The following USP45 variants were observed in gnomAD, a reference collection of about 807,000 sequenced individuals.
The protein encoded by USP45 is ubiquitin carboxyl-terminal hydrolase 45.
Under a neutral mutation model 95.8 loss-of-function variants are expected in USP45, and 89 were observed. The observed-to-expected ratio is 0.93, with a 90% confidence interval of 0.78 to 1.11. The LOEUF is 1.11. USP45 is among the 50% of genes least tolerant of loss of function. The pLI, the probability that USP45 is intolerant of heterozygous loss-of-function variation, is 0.00. For missense variants in USP45, 898 were observed against 942.5 expected (o/e 0.95, Z 0.62); for synonymous variants, 281 against 316.2 (o/e 0.89, Z 1.18).
intron 16 of USP45, among the ~76,000 whole-genome samples, chr6:99,437,752 G>A (rs1780778310): frequency 6.6e-6 from 1 of 152,140 alleles, no homozygotes; most frequent in African/African-American, 2.4e-5. Flanking sequence ...CCGCCACCCA[G>A]GTTCAAGAAA....
chr6:99,514,249 C>G (rs992482193), intron 1 of USP45, among the ~76,000 whole-genome samples: 1 of 152,164 alleles, frequency 6.6e-6, no homozygotes, highest in Non-Finnish European at 1.5e-5. Flanking sequence ...TATGCGGTCT[C>G]CCTCCCAAGA....
chr6:99,471,444 C>A (rs2128654379), intron 9 of USP45, among the ~76,000 whole-genome samples: 1 of 152,030 alleles, frequency 6.6e-6, no homozygotes, highest in South Asian at 2.1e-4. Flanking sequence ...TAAAATAATT[C>A]TAACCAAAAA....
Position 99,509,353 on chromosome 6 carries a change from C to T in USP45, c.101-571G>A, listed in dbSNP as rs374451377. 6.8e-4 allele frequency among the ~76,000 whole-genome samples: 104 copies of T among 152,198 alleles called. 1 individual carries two copies. Among genetic ancestry groups the T allele is most frequent in the African/African-American group, 2.4e-3 (98 of 41,508 alleles). ...TAAAATATCAAAACCAGGAAGCTGA[C>T]GTTGGTACAATCCTTAGAACTTATT... On this transcript the variant is annotated intron_variant, in intron 2 of 17. Transcript: ENST00000500704.
chr6:99,449,357 AG>A lies in USP45; in HGVS notation c.1309-2895del, dbSNP rs1166706738. Among the ~76,000 whole-genome samples the A allele has an allele frequency of 2.6e-5, 4 of 152,232 alleles. No homozygotes were observed. In the East Asian group the frequency reaches 7.7e-4, roughly 29 times the overall value. ...AAGCAAATGGAAAACAAAAAAAGGC[AG>A]GGGTTGCAATCTTAGTCTCTGATAA... On this transcript the variant is annotated intron_variant, in intron 13 of 17. Coordinates refer to ENST00000500704, the MANE Select transcript of USP45 (RefSeq NM_001346022.3).
chr6:99,485,603 G>C (rs866470446), intron 7 of USP45, among the ~76,000 whole-genome samples: 1 of 152,216 alleles, frequency 6.6e-6, no homozygotes, highest in Non-Finnish European at 1.5e-5. Context: ...GGGCCTTCCA[G>C]ATGCTGGTAA....
At chr6:99,456,815 GGA>G (rs35260877) in intron 13 of USP45, among the ~76,000 whole-genome samples, 46,333 of 152,092 alleles carry the variant, frequency 0.3, 7,326 homozygotes, top group Middle Eastern at 0.39. Context: ...TCAGGGAATA[GGA>G]GAGATAACCT....
intron 4 of USP45, 84 bp from the exon 5 acceptor site, chr6:99,503,949 T>C: frequency 1.0e-6 from 1 of 963,326 alleles, no homozygotes; most frequent in Non-Finnish European, 1.5e-6. Flanking sequence ...GGTATTTAGT[T>C]ACTTTTGTCT....
At chr6:99,483,807 C>G (rs536413751) in intron 7 of USP45, among the ~76,000 whole-genome samples, 4 of 117,284 alleles carry the variant, frequency 3.4e-5, no homozygotes, top group African/African-American at 1.4e-4. Flanking sequence ...CACTGCAGTC[C>G]GCAGTCCGGC....
At chr6:99,488,131 G>T in intron 7 of USP45, 69 bp downstream of exon 7, 1 of 1,051,476 alleles carries the variant, frequency 9.5e-7, no homozygotes, top group South Asian at 1.4e-5. Flanking sequence ...CTGCGAATTA[G>T]GAAAAGAGAT....
intron 4 of USP45, among the ~76,000 whole-genome samples, chr6:99,505,100 G>A (rs571732464): frequency 2.6e-5 from 4 of 152,126 alleles, no homozygotes; most frequent in African/African-American, 7.2e-5. Context: ...TAACTGCCAG[G>A]CTTCTAGCTT....
chr6:99,511,841 GT>G (rs1799895422), intron 1 of USP45, among the ~76,000 whole-genome samples: 1 of 133,548 alleles, frequency 7.5e-6, no homozygotes. Flanking sequence ...GTATGTGAGT[GT>G]GTGTATATAT....
intron 13 of USP45, among the ~76,000 whole-genome samples, chr6:99,458,738 G>T (rs556972479): frequency 1.3e-5 from 2 of 152,286 alleles, no homozygotes; most frequent in Admixed American, 6.5e-5. Flanking sequence ...CAGAGGAAAA[G>T]AACTAATCCA....
chr6:99,496,068 G>A (rs541312834), intron 5 of USP45, among the ~76,000 whole-genome samples: 53 of 152,148 alleles, frequency 3.5e-4, no homozygotes, highest in African/African-American at 1.2e-3. Flanking sequence ...CTGAAACAAC[G>A]ATTTTTAGTG....
At chr6:99,463,198 A>G (rs1474146426) in intron 13 of USP45, among the ~76,000 whole-genome samples, 1 of 36,100 alleles carries the variant, frequency 2.8e-5, no homozygotes, top group Non-Finnish European at 5.2e-5. Context: ...TTCATGGAAT[A>G]ATTTTCCATT....
chr6:99,473,158 A>G (rs780217002), intron 9 of USP45, among the ~76,000 whole-genome samples: 3 of 152,128 alleles, frequency 2.0e-5, no homozygotes, highest in Non-Finnish European at 2.9e-5. Context: ...AGTATAACAT[A>G]TAAGAATAAT....
At chr6:99,473,662 G>C (rs1790022368) in intron 9 of USP45, among the ~76,000 whole-genome samples, 1 of 152,028 alleles carries the variant, frequency 6.6e-6, no homozygotes, top group South Asian at 2.1e-4. Context: ...GGCTGAGGCA[G>C]GAGAATCACT....
intron 4 of USP45, among the ~76,000 whole-genome samples, chr6:99,506,870 TA>T (rs148631812): frequency 0.017 from 2,587 of 152,134 alleles, 72 homozygotes; most frequent in African/African-American, 0.059. Flanking sequence ...AAAAATCAAC[TA>T]AAAAGAATTT....
chr6:99,479,390 T>C (rs958403186), intron 8 of USP45, among the ~76,000 whole-genome samples: 1 of 151,734 alleles, frequency 6.6e-6, no homozygotes, highest in Non-Finnish European at 1.5e-5. Flanking sequence ...TTTTTTTTCA[T>C]AGAGTCTCCC....
Position 99,446,410 on chromosome 6 carries a change from A to C in USP45, c.1362T>G (p.Thr454=), listed in dbSNP as rs747301485. The change falls in exon 14 of 18, where the codon ACT becomes ACG. Residue 454 remains threonine (T), a synonymous_variant. Coordinates refer to ENST00000500704, the MANE Select transcript of USP45 (RefSeq NM_001346022.3). The part of the protein sequence containing the change: ...KCIRKLSSGE[T]VTYQKNENLE... ...GGTTTTCATTTTTCTGGTATGTGAC[A>C]GTTTCTCCAGATGACAATTTTCTAA... The C allele has an allele frequency of 1.2e-6, 2 of 1,614,114 alleles. No individual in the cohort carries two copies. The highest frequency in any genetic ancestry group is 3.3e-5 in the Admixed American group (2 of 60,000).
Sources: allele counts gnomAD v4.1 joint callset (sites outside exome capture counted in the v4.1 genomes callset), GRCh38; gene constraint gnomAD v4.1.1; transcripts MANE v1.5; gene names NCBI Gene and HGNC (gene_info 2026-07-23, HGNC 2026-07-21).